The following ENG variants were observed in gnomAD, a reference collection of about 807,000 sequenced individuals.
The protein encoded by ENG is CD105 antigen.
Under a neutral mutation model 71.0 loss-of-function variants are expected in ENG, and 17 were observed. The observed-to-expected ratio is 0.24, with a 90% CI of 0.16 to 0.36. ENG has a LOEUF of 0.36. ENG is among the 10% of genes least tolerant of loss of function. The probability of loss-of-function intolerance (pLI) is 1.00; values close to 1 mark genes in which losing one functional copy is unlikely to be tolerated. For synonymous variants in ENG, 360 were observed against 366.9 expected, an observed-to-expected ratio of 0.98 and a Z score of 0.21; for missense variants, 749 against 868.3, an observed-to-expected ratio of 0.86 and a Z score of 1.73.
chr9:127,818,893 G>A (rs1231713455), intron 10 of ENG, 61 bp from the exon 11 acceptor site: 1 of 1,456,162 alleles, frequency 6.9e-7, no homozygotes, highest in Non-Finnish European at 9.6e-7. Context: ...AGGGCGAGGG[G>A]TGTGGGGAGG....
intron 2 of ENG, 145 bp downstream of exon 2, chr9:127,842,949 G>A: frequency 7.5e-7 from 1 of 1,334,760 alleles, no homozygotes; most frequent in Non-Finnish European, 1.1e-6. Flanking sequence ...TGGGCCCTGT[G>A]AGATGCCCAC....
rs942771146 is a variant in ENG, at chr9:127,852,711, G to A, written c.67+1578C>T. Among the ~76,000 whole-genome samples the A allele has an allele frequency of 2.0e-5, 3 of 152,154 alleles. 1 individual carries two copies. The South Asian group carries it at 6.2e-4, about 32-fold the overall frequency. ...GACTCTGGAGAACCAACCGCCAGGT[G>A]CTACCGGGCACTGATTCCCAGCTCC... is the stretch of plus-strand genomic sequence containing the variant. On this transcript the variant is annotated intron_variant, in intron 1 of 14. Transcript: ENST00000373203.
intron 2 of ENG, among the ~76,000 whole-genome samples, chr9:127,832,322 G>C (rs1045155990): frequency 6.6e-6 from 1 of 151,486 alleles, no homozygotes; most frequent in Non-Finnish European, 1.5e-5. Context: ...TGATCTGCCC[G>C]CCTCGGCCTC....
intron 5 of ENG, 73 bp from the exon 6 acceptor site, chr9:127,825,430 GGGC>G: frequency 3.8e-6 from 6 of 1,595,752 alleles, no homozygotes; most frequent in Non-Finnish European, 5.1e-6. Flanking sequence ...GGCGTCGGGT[GGGC>G]GGCGGCTGCA....
chr9:127,854,216 G>C, intron 1 of ENG, 73 bp downstream of exon 1: 1 of 1,477,952 alleles, frequency 6.8e-7, no homozygotes, highest in Non-Finnish European at 9.2e-7. Flanking sequence ...ACAGGAAGGA[G>C]GCCGGGAATA....
At chr9:127,832,004 AG>A (rs1830778113) in intron 2 of ENG, among the ~76,000 whole-genome samples, 1 of 149,552 alleles carries the variant, frequency 6.7e-6, no homozygotes, top group African/African-American at 2.5e-5. Flanking sequence ...TCAACCTCCT[AG>A]GCTCAAGCAA....
chr9:127,848,372 C>T (rs1274113634), intron 1 of ENG, among the ~76,000 whole-genome samples: 2 of 152,076 alleles, frequency 1.3e-5, no homozygotes, highest in African/African-American at 4.8e-5. Flanking sequence ...TCACTGCAAC[C>T]TCCACCTCCT....
chr9:127,830,678 A>C (rs971545368), intron 2 of ENG, among the ~76,000 whole-genome samples: 17 of 151,836 alleles, frequency 1.1e-4, no homozygotes, highest in Non-Finnish European at 1.9e-4. Context: ...AACAAAAAAA[A>C]GGGATGAGCC....
Position 127,819,975 on chromosome 9 carries a change from C to T in ENG, c.1197G>A (p.Arg399=), listed in dbSNP as rs1418330913. The T allele has an allele frequency of 3.1e-6, 5 of 1,614,082 alleles. No individual in the cohort carries two copies. In the African/African-American group the frequency reaches 5.3e-5, roughly 17 times the overall value. The change falls in exon 9 of 15, where the codon AGG becomes AGA. Residue 399 remains arginine (R), a synonymous_variant. Coordinates refer to ENST00000373203, the MANE Select transcript of ENG (RefSeq NM_001114753.3). ...CACTGCGCAAGACAAACTTGTCACCCCTGTCCTCTGCCTCACAGCTGGGGT... is the reference window on the plus strand; with the variant it reads ...CACTGCGCAAGACAAACTTGTCACCTCTGTCCTCTGCCTCACAGCTGGGGT... The part of the protein sequence containing the change: ...FWDPSCEAED[R]GDKFVLRSAY...
In ENG at chr9:127,843,075, C is replaced by T. The variant is rs1348683648; in HGVS notation, c.219+19G>A. Reference sequence around the variant, plus strand: ...AGCTTCCTCTGAGCCCCCACCCGACCCTGCCATGGGACACTCACCGTTGGG... The same window carrying T: ...AGCTTCCTCTGAGCCCCCACCCGACTCTGCCATGGGACACTCACCGTTGGG... On this transcript the variant is annotated intron_variant, in intron 2 of 14. Transcript: ENST00000373203. 6.2e-7 allele frequency: 1 copy of T among 1,613,764 alleles called. No homozygotes were observed. The highest frequency in any genetic ancestry group is 8.5e-7 in the Non-Finnish European group (1 of 1,179,908).
At chr9:127,851,106 C>T (rs1243335291) in intron 1 of ENG, among the ~76,000 whole-genome samples, 1 of 152,152 alleles carries the variant, frequency 6.6e-6, no homozygotes, top group Non-Finnish European at 1.5e-5. Flanking sequence ...GTACCTGTAT[C>T]AATAAAGGAG....
At chr9:127,837,916 C>T (rs1233457654) in intron 2 of ENG, among the ~76,000 whole-genome samples, 2 of 152,032 alleles carry the variant, frequency 1.3e-5, no homozygotes, top group South Asian at 2.1e-4. Flanking sequence ...CCCTCCCCAA[C>T]CCCCAATCCT....
chr9:127,818,469 C>G, intron 11 of ENG, 92 bp from the exon 12 acceptor site: 1 of 1,572,376 alleles, frequency 6.4e-7, no homozygotes, highest in Non-Finnish European at 8.6e-7. Flanking sequence ...ATTAAGAGTT[C>G]CCACCCCTGA....
chr9:127,823,712 C>T (rs566088026), intron 8 of ENG, among the ~76,000 whole-genome samples: 1 of 127,654 alleles, frequency 7.8e-6, no homozygotes, highest in East Asian at 2.7e-4. Context: ...GACAGAGTCT[C>T]ACTCTGTTGC....
rs746493910 is a variant in ENG at position 127,815,316 on chromosome 9, C to T, written c.*366G>A. 3 of 238,158 alleles carry T rather than the reference C, an allele frequency of 1.3e-5. No homozygotes were observed. The highest frequency in any genetic ancestry group is 2.5e-5 in the Non-Finnish European group (3 of 122,424). 14.8% of individuals were successfully genotyped at this position (238,158 alleles called of 1,614,324 possible). A position where few individuals can be genotyped will look rare whatever the true frequency, so the allele number is the denominator to read the frequency against. On this transcript the variant is annotated 3_prime_UTR_variant, in exon 15 of 15. Transcript: ENST00000373203. ...CAGCGGGGAGGTGCTGTTGGCCTGG[C>T]TGGGCTGGCCTGAATCTGTTTCAAG...
intron 4 of ENG, 108 bp downstream of exon 4, chr9:127,826,402 G>A (rs1045766487): frequency 4.9e-6 from 7 of 1,419,796 alleles, no homozygotes; most frequent in East Asian, 2.4e-5. Context: ...GTGGCACAGC[G>A]TGTCCCCTCC....
rs1564456745 is a variant in ENG, at chr9:127,826,660, C to T, written c.373G>A (p.Val125Ile). 1 of 1,613,714 alleles carries T rather than the reference C, an allele frequency of 6.2e-7. No homozygotes were observed. Reference sequence around the variant, plus strand: ...ACCCCCGGGGGCTCTTGGAAGGTGACCAGGCTGGAATTCTGGGGAGACATG... The same window carrying T: ...ACCCCCGGGGGCTCTTGGAAGGTGATCAGGCTGGAATTCTGGGGAGACATG... ...PLHLAYNSSL[V>I]TFQEPPGVNT... The change falls in exon 4 of 15, where the codon GTC becomes ATC. Residue 125 changes from valine to isoleucine, a missense_variant. Val to Ile is a conservative substitution (Grantham distance 29). Transcript: ENST00000373203.
intron 8 of ENG, among the ~76,000 whole-genome samples, chr9:127,820,395 A>T (rs1588577365): frequency 1.3e-5 from 2 of 151,330 alleles, no homozygotes; most frequent in East Asian, 2.0e-4. Flanking sequence ...GGGTTTCACC[A>T]TGTTGGCCAG....
chr9:127,818,466 GTT>G, intron 11 of ENG, 89 bp from the exon 12 acceptor site: 1 of 1,576,512 alleles, frequency 6.3e-7, no homozygotes, highest in Non-Finnish European at 8.6e-7. Flanking sequence ...AGAATTAAGA[GTT>G]CCCACCCCTG....
Sources: allele counts gnomAD v4.1 joint callset (sites outside exome capture counted in the v4.1 genomes callset), GRCh38; gene constraint gnomAD v4.1.1; transcripts MANE v1.5; gene names NCBI Gene and HGNC (gene_info 2026-07-23, HGNC 2026-07-21).